The following LIN54 variants were observed in gnomAD, a reference collection of about 807,000 sequenced individuals.
The protein encoded by LIN54 is protein lin-54 homolog.
In LIN54, 9 loss-of-function variants were observed where a neutral mutation model predicts 78.7. The ratio of observed to expected loss-of-function variants is 0.11; its 90% CI spans 0.07 to 0.20. LIN54 has a LOEUF of 0.20. Among genes scored for constraint, LIN54 ranks in the 10% least tolerant of loss-of-function variants. The pLI is 1.00. For synonymous variants in LIN54, 269 were observed against 318.4 expected (o/e 0.84, Z 1.65); for missense variants, 573 against 889.9 (o/e 0.64, Z 4.53).
At chr4:83,012,500 G>A (rs920774588), upstream of LIN54, among the ~76,000 whole-genome samples, 7 of 152,110 alleles carry the variant, frequency 4.6e-5, no homozygotes, top group Non-Finnish European at 1.0e-4. Flanking sequence ...ACTCCAGACC[G>A]CCGGGCAGGC....
At chr4:83,005,626 G>GAAAA (rs34604804) in intron 1 of LIN54, among the ~76,000 whole-genome samples, 4 of 104,622 alleles carry the variant, frequency 3.8e-5, no homozygotes, top group Non-Finnish European at 5.9e-5. Context: ...CTCCATCTCA[G>GAAAA]AAAAAAAAAA....
chr4:82,981,785 C>G (rs1726674440), intron 2 of LIN54, among the ~76,000 whole-genome samples: 1 of 151,984 alleles, frequency 6.6e-6, no homozygotes. Flanking sequence ...AATCCCAGCA[C>G]TTTTGAGAGG....
chr4:82,973,096 T>G (rs1725816585), intron 3 of LIN54, among the ~76,000 whole-genome samples: 1 of 152,102 alleles, frequency 6.6e-6, no homozygotes, highest in African/African-American at 2.4e-5. Context: ...TAATAAAACT[T>G]TTACTATCTT....
intron 4 of LIN54, among the ~76,000 whole-genome samples, chr4:82,949,629 C>CT (rs564853312): frequency 1.4e-3 from 218 of 151,330 alleles, no homozygotes; most frequent in African/African-American, 4.9e-3. Context: ...ACTCCTGACC[C>CT]CAAGTGATCG....
At chr4:82,949,241 A>C (rs1723649994) in intron 4 of LIN54, among the ~76,000 whole-genome samples, 1 of 152,070 alleles carries the variant, frequency 6.6e-6, no homozygotes, top group Non-Finnish European at 1.5e-5. Context: ...AGTGGCTCTC[A>C]TTTTCCATTT....
At chr4:82,959,028 T>TA (rs1724577040) in intron 4 of LIN54, among the ~76,000 whole-genome samples, 1 of 152,074 alleles carries the variant, frequency 6.6e-6, no homozygotes, top group Non-Finnish European at 1.5e-5. Flanking sequence ...AAAAATAAAA[T>TA]AAACCATTCT....
chr4:82,936,369 G>A lies in LIN54; in HGVS notation c.1617C>T (p.Cys539=). 1 of 1,558,346 alleles carries A rather than the reference G, an allele frequency of 6.4e-7. No individual in the cohort carries two copies. Among genetic ancestry groups the A allele is most frequent in the Non-Finnish European group, 8.7e-7 (1 of 1,144,358 alleles). The change falls in exon 10 of 13, where the codon TGC becomes TGT. Residue 539 remains cysteine (C), a synonymous_variant. Coordinates refer to ENST00000340417, the MANE Select transcript of LIN54 (RefSeq NM_194282.4). ...TGTTGCAAAATTCACCATTTGCAAA[G>A]CAATCACAATACCTGAAAGGTAAAA... The part of the protein sequence containing the change: ...KSLCLKLYCD[C]FANGEFCNNC...
At chr4:82,955,138 G>T (rs1578536212) in intron 4 of LIN54, among the ~76,000 whole-genome samples, 1 of 152,070 alleles carries the variant, frequency 6.6e-6, no homozygotes, top group Non-Finnish European at 1.5e-5. Flanking sequence ...TAGAGAGGCC[G>T]AAGGAGGCGG....
intron 3 of LIN54, among the ~76,000 whole-genome samples, chr4:82,975,332 T>A (rs1328692998): frequency 2.0e-5 from 3 of 147,918 alleles, no homozygotes; most frequent in African/African-American, 7.5e-5. Flanking sequence ...TGAAACTGCA[T>A]CTCAAAAAAA....
intron 1 of LIN54, among the ~76,000 whole-genome samples, chr4:82,987,677 AG>A (rs1420957730): frequency 1.3e-5 from 2 of 152,176 alleles, no homozygotes; most frequent in Non-Finnish European, 2.9e-5. Context: ...GATGGCTTCC[AG>A]TTTCATCCAT....
rs547667668 is a variant in LIN54, at chr4:82,956,674, A to G, written c.952-10200T>C. 1.5e-4 allele frequency among the ~76,000 whole-genome samples: 23 copies of G among 152,330 alleles called. No homozygotes were observed. In the East Asian group the frequency reaches 4.0e-3, roughly 27 times the overall value. On this transcript the variant is annotated intron_variant, in intron 4 of 12. Transcript: ENST00000340417. ...CACAGGTATTCAATCAACATAATAT[A>G]TAAATGCATAAAACAAAACCAATCT...
rs758882927 is a variant in LIN54, at chr4:82,984,697, T to C, written c.148A>G (p.Ile50Val). 1.9e-6 allele frequency: 3 copies of C among 1,614,106 alleles called. 1 individual carries two copies. In the South Asian group the frequency reaches 3.3e-5, roughly 18 times the overall value. The part of the protein sequence containing the change: ...METELEEIVN[I>V]NSTGDSTATP... ...GCTGTAGAGTCACCAGTAGAATTTA[T>C]GTTGACAATTTCTTCCAGTTCTGTC... The change falls in exon 2 of 13, where the codon ATA becomes GTA. Residue 50 changes from isoleucine (I) to valine (V), a missense_variant. By Grantham distance (29) the Ile-to-Val change is conservative. Around this residue, in one of 6 missense-constraint regions of LIN54, gnomAD observed 183 missense variants for 228.4 expected, o/e 0.80. Coordinates refer to ENST00000340417, the MANE Select transcript of LIN54 (RefSeq NM_194282.4).
intron 1 of LIN54, 103 bp downstream of exon 1, chr4:83,010,381 C>T (rs1010621131): frequency 1.4e-5 from 6 of 432,700 alleles, no homozygotes; most frequent in Non-Finnish European, 1.6e-5. Context: ...CCGGACAAGT[C>T]ATTCCTTGAT....
At chr4:83,002,211 C>T (rs936508709) in intron 1 of LIN54, among the ~76,000 whole-genome samples, 11 of 151,578 alleles carry the variant, frequency 7.3e-5, no homozygotes, top group Admixed American at 5.3e-4. Context: ...CTAAAGCAAA[C>T]AGTGAAAAAA....
At chr4:82,936,438 C>T (rs1425485790) in intron 9 of LIN54, 57 bp from the exon 10 acceptor site, 1 of 836,904 alleles carries the variant, frequency 1.2e-6, no homozygotes, top group Non-Finnish European at 1.9e-6. Context: ...AACTAATTAT[C>T]TGATTATGCA....
At chr4:82,976,985 A>C (rs540612396) in intron 3 of LIN54, among the ~76,000 whole-genome samples, 18 of 152,352 alleles carry the variant, frequency 1.2e-4, no homozygotes, top group African/African-American at 3.6e-4. Flanking sequence ...TAAAAAATAA[A>C]GTTACAATCG....
chr4:82,931,259 A>T, intron 11 of LIN54, 114 bp from the exon 12 acceptor site: 2 of 748,820 alleles, frequency 2.7e-6, no homozygotes, highest in South Asian at 3.4e-5. Context: ...TGATAATAAG[A>T]TTAGATGGAA....
rs1273607531 is a variant in LIN54, at chr4:82,998,007, T to A, written c.-33+12477A>T. Among the ~76,000 whole-genome samples the A allele has an allele frequency of 3.3e-4, 18 of 54,878 alleles. No homozygotes were observed. The East Asian group carries it at 8.1e-3, about 25-fold the overall frequency. 36.0% of individuals were successfully genotyped at this position (54,878 alleles called of 152,430 possible). A position where few individuals can be genotyped will look rare whatever the true frequency, so the allele number is the denominator to read the frequency against. On this transcript the variant is annotated intron_variant, in intron 1 of 12. Coordinates refer to ENST00000340417, the MANE Select transcript of LIN54 (RefSeq NM_194282.4). ...GAAACTCCATCTCAAAAAAAAAAAA[T>A]AATAATATATATATAATAATATATA...
rs977905576 is a variant in LIN54, at chr4:82,993,303, G to A, written c.-32-8427C>T. On this transcript the variant is annotated intron_variant, in intron 1 of 12. Transcript: ENST00000340417. ...GCAATCTTGGCTCACTGCAACCTCC[G>A]CCACCTGGGTTCAAGCGGTTCTCCT... 8.5e-5 allele frequency among the ~76,000 whole-genome samples: 12 copies of A among 141,634 alleles called. No individual in the cohort carries two copies. In the South Asian group the frequency reaches 2.6e-3, roughly 30 times the overall value. The allele number at this position is 141,634 out of a possible 152,430, so 92.9% of individuals were successfully genotyped here.
Sources: allele counts gnomAD v4.1 joint callset (sites outside exome capture counted in the v4.1 genomes callset), GRCh38; gene constraint gnomAD v4.1.1; regional missense constraint gnomAD v4.1.1; transcripts MANE v1.5; gene names NCBI Gene and HGNC (gene_info 2026-07-23, HGNC 2026-07-21).